Variants in RNF130 observed in about 807,000 individuals in gnomAD.
RNF130 encodes the protein E3 ubiquitin-protein ligase RNF130.
In RNF130, 21 loss-of-function variants were observed where a neutral mutation model predicts 44.6. The observed-to-expected ratio is 0.47, with a 90% CI of 0.33 to 0.68. The LOEUF (loss-of-function observed/expected upper bound fraction) is 0.68, where lower values mean the gene tolerates loss of function less well. Ranked by LOEUF, RNF130 falls within the 30% of genes least tolerant of loss-of-function variation. RNF130 has a pLI of 0.02. For missense variants in RNF130, 479 were observed against 560.6 expected (o/e 0.85, Z 1.47); for synonymous variants, 214 against 210.4 (o/e 1.02, Z -0.15).
At chr5:180,008,889 G>GA (rs1029198620) in intron 3 of RNF130, among the ~76,000 whole-genome samples, 35 of 133,592 alleles carry the variant, frequency 2.6e-4, no homozygotes, top group East Asian at 4.2e-4. Context: ...CTCTCAAAAG[G>GA]AAAAAAAAAA....
rs566835293 is a variant in RNF130 at position 179,927,300 on chromosome 5, G to C, written c.1151-6874C>G. On this transcript the variant is annotated intron_variant, in intron 7 of 7. Transcript: ENST00000522208. ...ATTTTTGACACCTGGAAATACACCA[G>C]ATGTGTACTGGTCAACTAATTATTA... 2.6e-5 allele frequency among the ~76,000 whole-genome samples: 4 copies of C among 151,888 alleles called. No homozygotes were observed. In the East Asian group the frequency reaches 7.8e-4, roughly 30 times the overall value.
At chr5:180,023,275 T>C (rs544955915) in intron 2 of RNF130, among the ~76,000 whole-genome samples, 1 of 152,368 alleles carries the variant, frequency 6.6e-6, no homozygotes, top group East Asian at 1.9e-4. Flanking sequence ...ACGCATGTAT[T>C]TCCTTGTTCT....
In RNF130 at chr5:180,040,620, T is replaced by C. The variant is rs1764386769; in HGVS notation, c.275A>G (p.Gln92Arg). The C allele has an allele frequency of 6.2e-7, 1 of 1,613,950 alleles. No homozygotes were observed. The highest frequency in any genetic ancestry group is 8.5e-7 in the Non-Finnish European group (1 of 1,179,974). Reference sequence around the variant, plus strand: ...ATTAGGAGGGACAAAGAACCGGGTTTGTGGATCACAGCCCAGATGATCAGC... The same window carrying C: ...ATTAGGAGGGACAAAGAACCGGGTTCGTGGATCACAGCCCAGATGATCAGC... ...GVADHLGCDP[Q>R]TRFFVPPNIK... Residue 92 changes from glutamine to arginine, a missense_variant, in exon 2 of 9, where the codon CAA (glutamine) becomes CGA (arginine). By Grantham distance (43) the Gln-to-Arg change is conservative (BLOSUM62 1). Around this residue, in one of 3 missense-constraint regions of RNF130, gnomAD observed 180 missense variants for 275.1 expected, o/e 0.65. Coordinates refer to ENST00000521389, the MANE Select transcript of RNF130 (RefSeq NM_018434.6).
intron 1 of RNF130, among the ~76,000 whole-genome samples, chr5:180,060,845 G>A (rs564602950): frequency 1.3e-4 from 20 of 152,200 alleles, no homozygotes; most frequent in African/African-American, 2.4e-4. Context: ...CGAGGTGGGC[G>A]GATCACGAGG....
intron 6 of RNF130, among the ~76,000 whole-genome samples, chr5:179,968,134 C>A (rs844377): frequency 6.6e-6 from 1 of 150,942 alleles, no homozygotes. Context: ...TCTCTACTAA[C>A]AATACAAAAC....
intron 3 of RNF130, among the ~76,000 whole-genome samples, chr5:179,981,841 C>A (rs1291650674): frequency 1.3e-5 from 2 of 152,216 alleles, no homozygotes; most frequent in Admixed American, 1.3e-4. Context: ...ATCTATGAGT[C>A]CCTTCTGTCA....
At chr5:179,971,055 T>A (rs1446380104) in intron 5 of RNF130, among the ~76,000 whole-genome samples, 1 of 152,208 alleles carries the variant, frequency 6.6e-6, no homozygotes, top group African/African-American at 2.4e-5. Context: ...TAGATTCAAG[T>A]AACACTCAGC....
chr5:179,923,247 T>C (rs138524448), intron 7 of RNF130, among the ~76,000 whole-genome samples: 1,671 of 152,264 alleles, frequency 0.011, 39 homozygotes, highest in African/African-American at 0.038. Flanking sequence ...TTCATTTTTT[T>C]TTTTGCATAT....
At chr5:179,921,677 G>A (rs1761633346) in intron 7 of RNF130, among the ~76,000 whole-genome samples, 1 of 152,076 alleles carries the variant, frequency 6.6e-6, no homozygotes, top group Non-Finnish European at 1.5e-5. Flanking sequence ...TGTGCTTGTA[G>A]TCCCAGCTAC....
chr5:180,029,786 C>A (rs1444535695), intron 2 of RNF130, among the ~76,000 whole-genome samples: 1 of 151,434 alleles, frequency 6.6e-6, no homozygotes, highest in East Asian at 1.9e-4. Context: ...AAGCTACACC[C>A]TGCTTAGGCC....
chr5:179,928,800 T>G (rs1761747697), intron 7 of RNF130, among the ~76,000 whole-genome samples: 1 of 152,048 alleles, frequency 6.6e-6, no homozygotes, highest in South Asian at 2.1e-4. Context: ...GGCTAATTTT[T>G]TGTATTTTTA....
chr5:180,054,736 G>A (rs1764767346), intron 1 of RNF130, among the ~76,000 whole-genome samples: 1 of 152,126 alleles, frequency 6.6e-6, no homozygotes, highest in Non-Finnish European at 1.5e-5. Flanking sequence ...ATGAAGTTCT[G>A]GTATTTTCAC....
intron 7 of RNF130, among the ~76,000 whole-genome samples, chr5:179,932,793 A>G (rs1761828181): frequency 6.6e-6 from 1 of 151,880 alleles, no homozygotes; most frequent in Non-Finnish European, 1.5e-5. Flanking sequence ...CTGAGATTGT[A>G]CCACTGCACT....
chr5:179,986,196 T>G (rs1175583691), intron 3 of RNF130, among the ~76,000 whole-genome samples: 1 of 152,230 alleles, frequency 6.6e-6, no homozygotes, highest in African/African-American at 2.4e-5. Flanking sequence ...AAAGTTTTTG[T>G]GCCTGTTGGT....
exon 8 of RNF130, chr5:179,919,646 CG>C (rs1561657694): frequency 6.6e-6 from 1 of 152,404 alleles, no homozygotes; most frequent in East Asian, 1.9e-4. Context: ...TGTCACTTTA[CG>C]TCATGCTCAA....
chr5:180,012,074 A>G (rs578051495), intron 3 of RNF130, among the ~76,000 whole-genome samples: 1 of 152,292 alleles, frequency 6.6e-6, no homozygotes, highest in Admixed American at 6.5e-5. Context: ...GGTGTTTTAT[A>G]TCTACTTTCA....
At chr5:179,986,618 T>C (rs1035277687) in intron 3 of RNF130, among the ~76,000 whole-genome samples, 1 of 152,182 alleles carries the variant, frequency 6.6e-6, no homozygotes, top group Non-Finnish European at 1.5e-5. Context: ...TATGAAATTA[T>C]TACATTAATA....
At chr5:179,968,440 C>A (rs1004397521) in intron 6 of RNF130, among the ~76,000 whole-genome samples, 2 of 152,032 alleles carry the variant, frequency 1.3e-5, no homozygotes, top group African/African-American at 4.8e-5. Context: ...CCGAGAAGGG[C>A]AGATCACTTG....
exon 8 of RNF130, chr5:179,917,083 CGGGAGGCTGA>C (rs920340093): frequency 7.9e-5 from 12 of 151,748 alleles, no homozygotes; most frequent in African/African-American, 2.9e-4. Flanking sequence ...CCCAGCTGCT[CGGGAGGCTGA>C]GGCAGGAGGA....
Sources: gnomAD v4.1 joint callset for allele counts (sites outside exome capture counted in the v4.1 genomes callset) on GRCh38, gnomAD v4.1.1 for gene constraint, gnomAD v4.1.1 regional missense constraint, MANE v1.5 for transcripts, NCBI Gene and HGNC (gene_info 2026-07-23, HGNC 2026-07-21) for gene names.